Variants in PPP3CA observed in about 807,000 individuals in gnomAD.
The protein encoded by PPP3CA is CAM-PRP catalytic subunit.
A neutral mutation model predicts 66.5 loss-of-function variants in PPP3CA; 14 were observed. The observed-to-expected ratio is 0.21, with a 90% CI of 0.14 to 0.33. The LOEUF is 0.33. PPP3CA is among the 10% of genes least tolerant of loss of function. The pLI, the probability that PPP3CA is intolerant of heterozygous loss-of-function variation, is 1.00. For missense variants in PPP3CA, 317 were observed against 639.5 expected, an observed-to-expected ratio of 0.50 and a Z score of 5.44; for synonymous variants, 232 against 226.2, an observed-to-expected ratio of 1.03 and a Z score of -0.23.
chr4:101,156,642 C>A (rs1214653188), intron 2 of PPP3CA, among the ~76,000 whole-genome samples: 1 of 151,728 alleles, frequency 6.6e-6, no homozygotes, highest in Non-Finnish European at 1.5e-5. Flanking sequence ...TGCACTCCAG[C>A]CTGGGCAACA....
intron 1 of PPP3CA, among the ~76,000 whole-genome samples, chr4:101,324,653 C>T (rs1729156099): frequency 6.6e-6 from 1 of 151,924 alleles, no homozygotes; most frequent in Non-Finnish European, 1.5e-5. Flanking sequence ...TCCCTGCCTC[C>T]CTCAGTGTAA....
rs187038776 is a variant in PPP3CA, at chr4:101,296,712, T to C, written c.58+50027A>G. On this transcript the variant is annotated intron_variant, in intron 1 of 13. Coordinates refer to ENST00000394854, the MANE Select transcript of PPP3CA (RefSeq NM_000944.5). ...TCAACTAGATTGTTTCTGTTTCCCATTTTTTAAAATAAAAGTTCATTTATT... is the reference window on the plus strand; with the variant it reads ...TCAACTAGATTGTTTCTGTTTCCCACTTTTTAAAATAAAAGTTCATTTATT... Among the ~76,000 whole-genome samples the C allele has an allele frequency of 3.4e-3, 517 of 152,302 alleles. 4 individuals carry two copies. The highest frequency in any genetic ancestry group is 6.0e-3 in the Non-Finnish European group (411 of 67,990).
chr4:101,237,349 G>A (rs1358097695), intron 1 of PPP3CA, among the ~76,000 whole-genome samples: 1 of 151,828 alleles, frequency 6.6e-6, no homozygotes, highest in Non-Finnish European at 1.5e-5. Context: ...GATTTATCCA[G>A]TATTCCAGGG....
intron 2 of PPP3CA, 117 bp from the exon 3 acceptor site, chr4:101,109,195 C>A (rs1346521314): frequency 1.6e-5 from 17 of 1,055,370 alleles, no homozygotes; most frequent in Non-Finnish European, 2.2e-5. Context: ...CCAAAACATT[C>A]TTTTGCAGAA....
chr4:101,242,063 C>T (rs530280682), intron 1 of PPP3CA, among the ~76,000 whole-genome samples: 46 of 152,166 alleles, frequency 3.0e-4, no homozygotes, highest in Middle Eastern at 3.4e-3. Flanking sequence ...AAAATACTTC[C>T]TTCTCTGTTC....
intron 1 of PPP3CA, among the ~76,000 whole-genome samples, chr4:101,320,319 T>C (rs1246535033): frequency 6.6e-6 from 1 of 152,154 alleles, no homozygotes; most frequent in Non-Finnish European, 1.5e-5. Flanking sequence ...ACATAAAATG[T>C]AATCAATTAA....
chr4:101,290,727 C>G (rs1727996775), intron 1 of PPP3CA, among the ~76,000 whole-genome samples: 1 of 152,132 alleles, frequency 6.6e-6, no homozygotes, highest in South Asian at 2.1e-4. Context: ...AAAGAAGGAA[C>G]ACAGGGAGTG....
chr4:101,281,959 A>C (rs1246276491), intron 1 of PPP3CA, among the ~76,000 whole-genome samples: 1 of 152,198 alleles, frequency 6.6e-6, no homozygotes, highest in Non-Finnish European at 1.5e-5. Flanking sequence ...GTTAGACCTC[A>C]GGGGGCCTAT....
intron 1 of PPP3CA, among the ~76,000 whole-genome samples, chr4:101,285,599 ATGTGTGTGTGTGTGTG>A (rs56681112): frequency 0.011 from 1,333 of 124,586 alleles, 9 homozygotes; most frequent in Middle Eastern, 0.025. Flanking sequence ...CACTGTGTGT[ATGTGTGTGTGTGTGTG>A]TGTGTGTGTG....
chr4:101,218,771 TA>T (rs1028930234), intron 1 of PPP3CA, among the ~76,000 whole-genome samples: 7 of 152,112 alleles, frequency 4.6e-5, no homozygotes, highest in African/African-American at 1.4e-4. Flanking sequence ...AATAGAGACC[TA>T]AAATGAAGTA....
At chr4:101,085,721 A>C (rs1729635155) in intron 6 of PPP3CA, among the ~76,000 whole-genome samples, 1 of 152,192 alleles carries the variant, frequency 6.6e-6, no homozygotes, top group Admixed American at 6.5e-5. Flanking sequence ...TAGGATATAC[A>C]GAAGTTTCTA....
chr4:101,138,845 C>T (rs2695208), intron 2 of PPP3CA, among the ~76,000 whole-genome samples: 97,958 of 152,030 alleles, frequency 0.64, 34,177 homozygotes, highest in African/African-American at 0.91. Context: ...ACTACATATG[C>T]ATAAGGTTAC....
intron 13 of PPP3CA, among the ~76,000 whole-genome samples, chr4:101,026,602 C>T (rs1726663554): frequency 6.6e-6 from 1 of 151,952 alleles, no homozygotes; most frequent in Non-Finnish European, 1.5e-5. Flanking sequence ...ATTTCCATGC[C>T]ATCTCAGAAT....
chr4:101,154,630 C>T (rs1177409628), intron 2 of PPP3CA, among the ~76,000 whole-genome samples: 2 of 152,160 alleles, frequency 1.3e-5, no homozygotes, highest in Non-Finnish European at 2.9e-5. Flanking sequence ...TTAGACTCTA[C>T]CCAGTGTAAT....
At chr4:101,197,055 CA>C (rs1377377681) in intron 1 of PPP3CA, among the ~76,000 whole-genome samples, 1 of 152,188 alleles carries the variant, frequency 6.6e-6, no homozygotes, top group Non-Finnish European at 1.5e-5. Flanking sequence ...CATGATGGTT[CA>C]TTCACTGGAC....
intron 9 of PPP3CA, among the ~76,000 whole-genome samples, chr4:101,063,022 GTTTT>G (rs971469650): frequency 5.6e-5 from 8 of 142,120 alleles, no homozygotes; most frequent in African/African-American, 1.8e-4. Flanking sequence ...CCTGTGTTTT[GTTTT>G]TTTTTTTGCT....
At chr4:101,142,607 G>T (rs1466437223) in intron 2 of PPP3CA, among the ~76,000 whole-genome samples, 8 of 152,008 alleles carry the variant, frequency 5.3e-5, no homozygotes, top group African/African-American at 1.7e-4. Context: ...TTACTATGTT[G>T]TCCAGGCTGG....
intron 1 of PPP3CA, among the ~76,000 whole-genome samples, chr4:101,269,209 C>T (rs556945654): frequency 4.1e-4 from 62 of 152,072 alleles, no homozygotes; most frequent in Non-Finnish European, 8.1e-4. Context: ...TCTTTATTTA[C>T]GATTCAGACT....
At chr4:101,339,366 A>G (rs1729736178) in intron 1 of PPP3CA, among the ~76,000 whole-genome samples, 1 of 152,234 alleles carries the variant, frequency 6.6e-6, no homozygotes, top group African/African-American at 2.4e-5. Flanking sequence ...GAAATTGACC[A>G]GCCTAAAGGG....
Sources: allele counts gnomAD v4.1 joint callset (sites outside exome capture counted in the v4.1 genomes callset), GRCh38; gene constraint gnomAD v4.1.1; transcripts MANE v1.5; gene names NCBI Gene and HGNC (gene_info 2026-07-23, HGNC 2026-07-21).